Variants in PLEKHA6 observed in about 807,000 individuals in gnomAD.
The protein encoded by PLEKHA6 is pleckstrin homology domain containing A6.
PLEKHA6 carries 60 observed loss-of-function variants against 116.7 expected under a neutral mutation model. The observed-to-expected ratio is 0.51, with a 90% CI of 0.42 to 0.64. The LOEUF (loss-of-function observed/expected upper bound fraction) is 0.64, where lower values mean the gene tolerates loss of function less well. Among genes scored for constraint, PLEKHA6 ranks in the 30% least tolerant of loss-of-function variants. The pLI is 0.00. For missense variants in PLEKHA6, 1,338 were observed against 1,422.7 expected (o/e 0.94, Z 0.96); for synonymous variants, 489 against 556.1 (o/e 0.88, Z 1.70).
chr1:204,352,892 G>A (rs552269763), intron 1 of PLEKHA6, among the ~76,000 whole-genome samples: 71 of 152,180 alleles, frequency 4.7e-4, no homozygotes, highest in Admixed American at 8.5e-4. Flanking sequence ...GGCTGAGGTG[G>A]GAGGACTGCA....
chr1:204,223,544 G>A lies in PLEKHA6; in HGVS notation c.3073C>T (p.Pro1025Ser). 6.5e-7 allele frequency: 1 copy of A among 1,549,362 alleles called. No individual in the cohort carries two copies. The highest frequency in any genetic ancestry group is 8.7e-7 in the Non-Finnish European group (1 of 1,145,506). Residue 1025 changes from proline to serine, a missense_variant, in exon 22 of 23, where the codon CCG (proline) becomes TCG (serine). Coordinates refer to ENST00000272203, the MANE Select transcript of PLEKHA6 (RefSeq NM_014935.5). This position sits in a 1 kb window ranked among gnomAD's most constrained non-coding sequence, Gnocchi z 4.8. The stretch of plus-strand genomic sequence containing the variant: ...GACAGGGGGTTTGCTGGAGGAGCCG[G>A]GGAAGCAGGGGAGGTGGGAGGGCTT... ...TPSPPTSPAS[P>S]APPANPLSSE...
chr1:204,267,857 G>A (rs143815416), intron 4 of PLEKHA6, among the ~76,000 whole-genome samples: 310 of 152,228 alleles, frequency 2.0e-3, no homozygotes, highest in African/African-American at 7.2e-3. Context: ...GGTGCCAATC[G>A]GTGGACCCTA....
intron 15 of PLEKHA6, 128 bp downstream of exon 15, chr1:204,244,736 C>A: frequency 7.6e-6 from 5 of 659,814 alleles, no homozygotes; most frequent in Non-Finnish European, 9.5e-6. Flanking sequence ...CCTCCTTAAA[C>A]AAAGAGCTCC....
Position 204,248,899 on chromosome 1 carries a change from T to C in PLEKHA6, c.1746A>G (p.Pro582=), listed in dbSNP as rs776750255. 1.2e-6 allele frequency: 2 copies of C among 1,614,150 alleles called. No individual in the cohort carries two copies. Among genetic ancestry groups the C allele is most frequent in the South Asian group, 2.2e-5 (2 of 91,080 alleles). The stretch of plus-strand genomic sequence containing the variant: ...AATCCTTTTTGTGTCGCAGCTTTTC[T>C]GGGTAGGCGGGCTGGCTTCCAAACA... ...LEMFGSQPAY[P]EKLRHKKDSL... Residue 582 remains proline, a synonymous_variant, in exon 12 of 23, where the codon CCA becomes CCG. Transcript: ENST00000272203.
Position 204,230,543 on chromosome 1 carries a change from T to C in PLEKHA6, c.2453A>G (p.Lys818Arg), listed in dbSNP as rs373514646. The C allele has an allele frequency of 2.5e-6, 4 of 1,602,710 alleles. No individual in the cohort carries two copies. In the African/African-American group the frequency reaches 4.0e-5, roughly 16 times the overall value. Reference protein sequence around the residue: ...SAVFPGEGKVKMSVEEQIDRM... With the variant: ...SAVFPGEGKVRMSVEEQIDRM... ...GTCAATCTGCTCCTCCACGCTCATC[T>C]TGACCTTCCCCTCGCCAGGAAACAC... is the stretch of plus-strand genomic sequence containing the variant. The change falls in exon 18 of 23, where the codon AAG (lysine) becomes AGG (arginine). Residue 818 changes from lysine (K) to arginine (R), a missense_variant. Physicochemically the swap from Lys to Arg is conservative, Grantham distance 26. This residue lies in a region of PLEKHA6 where 1,136 missense variants were observed against 1,163.6 expected (regional missense o/e 0.98). Transcript: ENST00000272203.
chr1:204,346,268 C>T (rs1673042789), intron 1 of PLEKHA6, among the ~76,000 whole-genome samples: 2 of 152,210 alleles, frequency 1.3e-5, no homozygotes, highest in South Asian at 4.1e-4. Flanking sequence ...CACTGTCTGA[C>T]AGCCCCCTCG....
rs1665414653 is a variant in PLEKHA6 at position 204,257,124 on chromosome 1, C to G, written c.1524+229G>C. On this transcript the variant is annotated intron_variant, in intron 9 of 22. Transcript: ENST00000272203. This position sits in a 1 kb window ranked among gnomAD's most constrained non-coding sequence, Gnocchi z 6.5. ...ATCTGGCACAACTTGGGGGCATGTA[C>G]AGAAAGCAATGTCCCCACTCAAGAG... is the stretch of plus-strand genomic sequence containing the variant. 6.6e-6 allele frequency among the ~76,000 whole-genome samples: 1 copy of G among 152,230 alleles called. No homozygotes were observed. Among genetic ancestry groups the G allele is most frequent in the Admixed American group, 6.5e-5 (1 of 15,292 alleles).
chr1:204,316,936 G>A (rs59897501), intron 1 of PLEKHA6, among the ~76,000 whole-genome samples: 41 of 152,244 alleles, frequency 2.7e-4, no homozygotes, highest in African/African-American at 9.9e-4. Flanking sequence ...CGGCCTCCTC[G>A]TATCCACTCC....
rs981129470 is a variant in PLEKHA6 at position 204,257,222 on chromosome 1, G to A, written c.1524+131C>T. 2.3e-5 allele frequency: 20 copies of A among 854,616 alleles called. No individual in the cohort carries two copies. Among genetic ancestry groups the A allele is most frequent in the Non-Finnish European group, 1.9e-6 (1 of 538,098 alleles). The allele number at this position is 854,616 out of a possible 1,614,324, so 52.9% of individuals were successfully genotyped here. On this transcript the variant is annotated intron_variant, in intron 9 of 22. Transcript: ENST00000272203. This position sits in a 1 kb window ranked among gnomAD's most constrained non-coding sequence, Gnocchi z 6.5. ...AGGGGCTCCGCTGGGCAGCACTGCT[G>A]GTCCTGCAGACAAACGGCCCAGTGG...
At position 204,277,373 on chromosome 1, in the gene PLEKHA6, C is replaced by T. The variant is rs1668125104; in HGVS notation, c.-94-2564G>A. ...CATTCAGCACCCCAAGGAGAAAATG[C>T]TGAAATGGAGAGACAGGCATACACG... On this transcript the variant is annotated intron_variant, in intron 1 of 22. Coordinates refer to ENST00000272203, the MANE Select transcript of PLEKHA6 (RefSeq NM_014935.5). This position sits in a 1 kb window ranked among gnomAD's most constrained non-coding sequence, Gnocchi z 4.1. Among the ~76,000 whole-genome samples, 1 of 152,154 alleles carries T rather than the reference C, an allele frequency of 6.6e-6. No individual in the cohort carries two copies. The highest frequency in any genetic ancestry group is 1.5e-5 in the Non-Finnish European group (1 of 68,024).
rs375873078 is a variant in PLEKHA6 at position 204,328,090 on chromosome 1, A to G, written c.-95+31604T>C. Among the ~76,000 whole-genome samples, 558 of 90,136 alleles carry G rather than the reference A, an allele frequency of 6.2e-3. 5 individuals carry two copies. Among genetic ancestry groups the G allele is most frequent in the Non-Finnish European group, 9.3e-3 (336 of 35,986 alleles). The allele number at this position is 90,136 out of a possible 152,430, so 59.1% of individuals were successfully genotyped here. A position where few individuals can be genotyped will look rare whatever the true frequency, so the allele number is the denominator to read the frequency against. Reference sequence around the variant, plus strand: ...TATTTATTTATTTATTTATTTATTTATTTATTTTTGAGACAGAGTTTCACT... The same window carrying G: ...TATTTATTTATTTATTTATTTATTTGTTTATTTTTGAGACAGAGTTTCACT... On this transcript the variant is annotated intron_variant, in intron 1 of 22. Coordinates refer to ENST00000272203, the MANE Select transcript of PLEKHA6 (RefSeq NM_014935.5).
chr1:204,268,192 C>T lies in PLEKHA6; in HGVS notation c.207+16G>A, dbSNP rs75171098. ...AGGTGGAGGCTACGGTGGCCAGAACCGCAGGGTGGCCTCACCTGTTTGAAG... is the reference window on the plus strand; with the variant it reads ...AGGTGGAGGCTACGGTGGCCAGAACTGCAGGGTGGCCTCACCTGTTTGAAG... On this transcript the variant is annotated intron_variant, in intron 4 of 22. Coordinates refer to ENST00000272203, the MANE Select transcript of PLEKHA6 (RefSeq NM_014935.5). 8.2e-4 allele frequency: 1,283 copies of T among 1,561,582 alleles called. 16 individuals are homozygous for T. In the East Asian group the frequency reaches 0.024, roughly 30 times the overall value.
chr1:204,289,838 T>G (rs1193978926), intron 1 of PLEKHA6, among the ~76,000 whole-genome samples: 1 of 152,194 alleles, frequency 6.6e-6, no homozygotes, highest in Non-Finnish European at 1.5e-5. Context: ...AATTCAATTT[T>G]CAAAGCAAGG....
chr1:204,361,890 C>G (rs1199129442), upstream of PLEKHA6, among the ~76,000 whole-genome samples: 2 of 152,184 alleles, frequency 1.3e-5, no homozygotes, highest in Non-Finnish European at 2.9e-5. Flanking sequence ...GGGAGGGGGA[C>G]AGAGACCCCA....
At chr1:204,290,055 G>A (rs1438854315) in intron 1 of PLEKHA6, among the ~76,000 whole-genome samples, 3 of 152,092 alleles carry the variant, frequency 2.0e-5, no homozygotes, top group Non-Finnish European at 4.4e-5. Flanking sequence ...CAAATAAAAG[G>A]AGAAAAATAC....
chr1:204,228,448 GAGCATTT>G lies in PLEKHA6; in HGVS notation c.2886-227_2886-221del. ...CTCAAATGAATTAAAAGGTTCAAGTGAGCATTTAGGGCAGCCTTGAAGGGGAAAAGAA... is the reference window on the plus strand; with the variant it reads ...CTCAAATGAATTAAAAGGTTCAAGTGAGGGCAGCCTTGAAGGGGAAAAGAA... On this transcript the variant is annotated intron_variant, in intron 20 of 22. Coordinates refer to ENST00000272203, the MANE Select transcript of PLEKHA6 (RefSeq NM_014935.5). This position sits in a 1 kb window ranked among gnomAD's most constrained non-coding sequence, Gnocchi z 4.0. Among the ~76,000 whole-genome samples, 1 of 152,248 alleles carries G rather than the reference GAGCATTT, an allele frequency of 6.6e-6. No homozygotes were observed. The highest frequency in any genetic ancestry group is 1.5e-5 in the Non-Finnish European group (1 of 68,008).
At chr1:204,306,009 G>A (rs1255334811) in intron 1 of PLEKHA6, among the ~76,000 whole-genome samples, 2 of 152,184 alleles carry the variant, frequency 1.3e-5, no homozygotes, top group African/African-American at 4.8e-5. Context: ...TGAGAGTTGA[G>A]ATCACTTGCC....
rs1216482698 is a variant in PLEKHA6 at position 204,238,237 on chromosome 1, G to A, written c.2409+3138C>T. Among the ~76,000 whole-genome samples, 1 of 152,160 alleles carries A rather than the reference G, an allele frequency of 6.6e-6. No homozygotes were observed. Among genetic ancestry groups the A allele is most frequent in the African/African-American group, 2.4e-5 (1 of 41,442 alleles). ...GCTGTGCAAGCTGCTGTGCCAACTG[G>A]GCCATATGACCCAGCGGATCCAATG... On this transcript the variant is annotated intron_variant, in intron 17 of 22. Transcript: ENST00000272203. The surrounding 1 kb of genome is among the most constrained non-coding windows in gnomAD (Gnocchi z 4.2).
intron 1 of PLEKHA6, among the ~76,000 whole-genome samples, chr1:204,336,217 CCACCTG>C (rs1017448367): frequency 2.6e-5 from 4 of 152,122 alleles, no homozygotes; most frequent in African/African-American, 7.2e-5. Flanking sequence ...GTCCAGCAAC[CCACCTG>C]CACCAAGTCA....
Sources: allele counts gnomAD v4.1 joint callset (sites outside exome capture counted in the v4.1 genomes callset), GRCh38; gene constraint gnomAD v4.1.1; regional missense constraint gnomAD v4.1.1; non-coding constraint Gnocchi (gnomAD v3.1); transcripts MANE v1.5; gene names NCBI Gene and HGNC (gene_info 2026-07-23, HGNC 2026-07-21).